TTLL4: variants seen among roughly 807,000 people sequenced by gnomAD.
The protein encoded by TTLL4 is tubulin tyrosine ligase like 4, also known as tubulin monoglutamylase TTLL4.
In TTLL4, 85 loss-of-function variants were observed where a neutral mutation model predicts 122.7. The observed-to-expected ratio is 0.69, with a 90% CI of 0.58 to 0.83. The LOEUF is 0.83. Ranked by LOEUF, TTLL4 falls within the 40% of genes least tolerant of loss-of-function variation. The pLI, the probability that TTLL4 is intolerant of heterozygous loss-of-function variation, is 0.00. For missense variants in TTLL4, 1,363 were observed against 1,488.6 expected (o/e 0.92, Z 1.39); for synonymous variants, 553 against 563.0 (o/e 0.98, Z 0.25).
At chr2:218,756,525 G>A (rs1364871569), downstream of TTLL4, among the ~76,000 whole-genome samples, 3 of 152,076 alleles carry the variant, frequency 2.0e-5, no homozygotes, top group Admixed American at 6.6e-5. Flanking sequence ...AAAGGAATGG[G>A]ACTTACATAC....
In TTLL4 at chr2:218,736,596, AG is replaced by A. The variant is rs1044447202; in HGVS notation, c.-98-982del. Reference sequence around the variant, plus strand: ...GGCTGCTGGAAATAAAGTCACTTTAAGTAAAAATAATGCTGGTGTTTAGTTC... The same window carrying A: ...GGCTGCTGGAAATAAAGTCACTTTAATAAAAATAATGCTGGTGTTTAGTTC... On this transcript the variant is annotated intron_variant, in intron 2 of 19. Transcript: ENST00000392102. Among the ~76,000 whole-genome samples the A allele has an allele frequency of 1.2e-4, 18 of 152,320 alleles. 1 individual carries two copies. Among genetic ancestry groups the A allele is most frequent in the African/African-American group, 4.3e-4 (18 of 41,562 alleles).
chr2:218,719,725 AC>A (rs1248005336), intron 1 of TTLL4, among the ~76,000 whole-genome samples: 1 of 152,248 alleles, frequency 6.6e-6, no homozygotes, highest in African/African-American at 2.4e-5. Context: ...GAATCTCAGG[AC>A]TTTGCATCTC....
intron 1 of TTLL4, among the ~76,000 whole-genome samples, chr2:218,718,896 C>T (rs1382117996): frequency 6.6e-6 from 1 of 152,192 alleles, no homozygotes; most frequent in Non-Finnish European, 1.5e-5. Flanking sequence ...CTTACCTTAA[C>T]AGTCCTGCAC....
chr2:218,759,550 A>C (rs569119716), downstream of TTLL4, among the ~76,000 whole-genome samples: 4 of 152,226 alleles, frequency 2.6e-5, no homozygotes, highest in Non-Finnish European at 5.9e-5. Flanking sequence ...AGTGCTTGCC[A>C]GGGACTATAG....
At position 218,737,931 on chromosome 2, in the gene TTLL4, C is replaced by T. The variant is rs767775738; in HGVS notation, c.255C>T (p.Ser85=). 3 of 1,614,234 alleles carry T rather than the reference C, an allele frequency of 1.9e-6. No individual in the cohort carries two copies. Among genetic ancestry groups the T allele is most frequent in the Non-Finnish European group, 1.7e-6 (2 of 1,180,052 alleles). ...PPQPAYFFCP[S]TLCSSGTTAV... is the part of the protein sequence containing the mutation. ...AGCCAGCATATTTCTTTTGCCCCAG[C>T]ACTTTATGTAGCTCTGGGACCACGG... is the stretch of plus-strand genomic sequence containing the variant. Residue 85 remains serine (S), a synonymous_variant, in exon 3 of 20, where the codon AGC becomes AGT. Coordinates refer to ENST00000392102, the MANE Select transcript of TTLL4 (RefSeq NM_014640.5).
In TTLL4 at chr2:218,754,545, T is replaced by G. The variant is rs924180657; in HGVS notation, c.*156T>G. 6.0e-5 allele frequency: 60 copies of G among 996,308 alleles called. No homozygotes were observed. In the Admixed American group the frequency reaches 1.3e-3, roughly 22 times the overall value. The allele number at this position is 996,308 out of a possible 1,614,324, so 61.7% of individuals were successfully genotyped here. On this transcript the variant is annotated 3_prime_UTR_variant, in exon 20 of 20. Transcript: ENST00000392102. ...TGGTTGCATTATAGAGATGGGTATT[T>G]GTAGGGCCGGAGGGATGGTAGTGAT... is the stretch of plus-strand genomic sequence containing the variant.
intron 1 of TTLL4, among the ~76,000 whole-genome samples, chr2:218,716,359 A>G (rs1379896007): frequency 3.3e-5 from 5 of 152,248 alleles, no homozygotes; most frequent in Non-Finnish European, 5.9e-5. Flanking sequence ...TGCAATTCAG[A>G]CAATCACACA....
intron 2 of TTLL4, among the ~76,000 whole-genome samples, chr2:218,730,611 A>G (rs1462767713): frequency 6.6e-6 from 1 of 152,204 alleles, no homozygotes. Flanking sequence ...ATAATTGACT[A>G]TTAAGTATGA....
chr2:218,712,548 G>A (rs761453106), intron 1 of TTLL4, among the ~76,000 whole-genome samples: 9 of 152,000 alleles, frequency 5.9e-5, no homozygotes, highest in African/African-American at 1.9e-4. Flanking sequence ...TGCCACGCTC[G>A]GTTAATTTTT....
At chr2:218,745,909 C>T in intron 7 of TTLL4, 108 bp downstream of exon 7, 1 of 1,069,180 alleles carries the variant, frequency 9.4e-7, no homozygotes, top group Non-Finnish European at 1.4e-6. Flanking sequence ...CAGCTGGGGC[C>T]CTCTCCTGAA....
chr2:218,715,778 C>T (rs1200578635), intron 1 of TTLL4, among the ~76,000 whole-genome samples: 9 of 152,098 alleles, frequency 5.9e-5, no homozygotes, highest in South Asian at 4.2e-4. Flanking sequence ...TACAGGCACC[C>T]GCCACCACGC....
Position 218,754,128 on chromosome 2 carries a change from C to T in TTLL4, c.3345-6C>T. Reference sequence around the variant, plus strand: ...AGTCATTTCTTTCACCACCTATTCCCTCCAGAAAACAAAGCTCCTGTGAGG... The same window carrying T: ...AGTCATTTCTTTCACCACCTATTCCTTCCAGAAAACAAAGCTCCTGTGAGG... On this transcript the variant is annotated splice_region_variant and splice_polypyrimidine_tract_variant and intron_variant, in intron 19 of 19. Transcript: ENST00000392102. The T allele has an allele frequency of 6.2e-7, 1 of 1,614,108 alleles. No homozygotes were observed. Among genetic ancestry groups the T allele is most frequent in the Non-Finnish European group, 8.5e-7 (1 of 1,180,014 alleles).
intron 8 of TTLL4, chr2:218,746,680 C>G (rs1367232815): frequency 2.5e-6 from 1 of 402,278 alleles, no homozygotes; most frequent in African/African-American, 2.0e-5. Context: ...GAATGAGTCC[C>G]TTGCCTCCAG....
At position 218,752,915 on chromosome 2, in the gene TTLL4, A is replaced by C; in HGVS notation, c.3129A>C (p.Arg1043=). 2 of 1,614,136 alleles carry C rather than the reference A, an allele frequency of 1.2e-6. No individual in the cohort carries two copies. Among genetic ancestry groups the C allele is most frequent in the Non-Finnish European group, 1.7e-6 (2 of 1,180,026 alleles). Residue 1043 remains arginine, a synonymous_variant, in exon 17 of 20, where the codon CGA becomes CGC. Transcript: ENST00000392102. The part of the protein sequence containing the change: ...SRYLRFFEQP[R]YFNILTTQWE... ...ATCTCCGCTTTTTTGAGCAGCCACG[A>C]TATTTCAACATTCTCACCACCCAAT... is the stretch of plus-strand genomic sequence containing the variant.
At chr2:218,733,436 C>T (rs560686833) in intron 2 of TTLL4, among the ~76,000 whole-genome samples, 12 of 152,270 alleles carry the variant, frequency 7.9e-5, no homozygotes, top group Non-Finnish European at 1.3e-4. Flanking sequence ...TTTAAACAAC[C>T]AGATCTCATG....
Position 218,738,989 on chromosome 2 carries a change from A to G in TTLL4, c.1313A>G (p.Glu438Gly), listed in dbSNP as rs779508994. 1.7e-5 allele frequency: 28 copies of G among 1,614,128 alleles called. No homozygotes were observed. The South Asian group carries it at 3.1e-4, about 18-fold the overall frequency. The stretch of plus-strand genomic sequence containing the variant: ...GGGCTCAATCACAACCCTGCCTGTG[A>G]ATCTGTAATTGACTCCTCAGCATTT... ...ASGLNHNPAC[E>G]SVIDSSAFGE... The change falls in exon 3 of 20, where the codon GAA (glutamate) becomes GGA (glycine). Residue 438 changes from glutamate to glycine, a missense_variant. Physicochemically the swap from Glu to Gly is moderately conservative, Grantham distance 98 (BLOSUM62 -2). Around this residue, in one of 3 missense-constraint regions of TTLL4, gnomAD observed 760 missense variants for 808.4 expected, o/e 0.94. Coordinates refer to ENST00000392102, the MANE Select transcript of TTLL4 (RefSeq NM_014640.5).
chr2:218,737,403 G>C lies in TTLL4; in HGVS notation c.-98-176G>C, dbSNP rs76256032. 4.2e-3 allele frequency among the ~76,000 whole-genome samples: 647 copies of C among 152,260 alleles called. 3 individuals are homozygous for C. The highest frequency in any genetic ancestry group is 0.017 in the Middle Eastern group (5 of 294). On this transcript the variant is annotated intron_variant, in intron 2 of 19. Coordinates refer to ENST00000392102, the MANE Select transcript of TTLL4 (RefSeq NM_014640.5). ...TTTGATCCTATGAGGGCAGTAGGAA[G>C]ATCATTGAAAACTCCCTGGAAATCT...
rs1200601119 is a variant in TTLL4, at chr2:218,740,136, T to C, written c.1566T>C (p.Cys522=). Residue 522 remains cysteine, a synonymous_variant, in exon 4 of 20, where the codon TGT becomes TGC. Coordinates refer to ENST00000392102, the MANE Select transcript of TTLL4 (RefSeq NM_014640.5). ...AACTAGTAGATGGTTTGGAAGACTGTTGTAGCCGTGATGAGAATGAAGAGG... is the reference window on the plus strand; with the variant it reads ...AACTAGTAGATGGTTTGGAAGACTGCTGTAGCCGTGATGAGAATGAAGAGG... ...EEELVDGLED[C]CSRDENEEEE... 4 of 1,614,092 alleles carry C rather than the reference T, an allele frequency of 2.5e-6. No homozygotes were observed. The African/African-American group carries it at 4.0e-5, about 16-fold the overall frequency.
rs200626776 is a variant in TTLL4 at position 218,738,164 on chromosome 2, C to G, written c.488C>G (p.Thr163Ser). Reference sequence around the variant, plus strand: ...GTCAGTCTCACTGCCAACAAGGCCACTTCTTCCATGGTCTTCTCCATGGCC... The same window carrying G: ...GTCAGTCTCACTGCCAACAAGGCCAGTTCTTCCATGGTCTTCTCCATGGCC... The part of the protein sequence containing the change: ...LPVSLTANKA[T>S]SSMVFSMAQP... Residue 163 changes from threonine (T) to serine (S), a missense_variant, in exon 3 of 20, where the codon ACT becomes AGT. Coordinates refer to ENST00000392102, the MANE Select transcript of TTLL4 (RefSeq NM_014640.5). The G allele has an allele frequency of 6.2e-7, 1 of 1,614,010 alleles. No individual in the cohort carries two copies. The highest frequency in any genetic ancestry group is 1.3e-5 in the African/African-American group (1 of 74,920).
Sources: allele counts gnomAD v4.1 joint callset (sites outside exome capture counted in the v4.1 genomes callset), GRCh38; gene constraint gnomAD v4.1.1; regional missense constraint gnomAD v4.1.1; transcripts MANE v1.5; gene names NCBI Gene and HGNC (gene_info 2026-07-23, HGNC 2026-07-21).